The following SLC26A9 variants were observed in gnomAD, a reference collection of about 807,000 sequenced individuals.
SLC26A9 encodes the protein anion transporter/exchanger protein 9.
Under a neutral mutation model 87.1 loss-of-function variants are expected in SLC26A9, and 46 were observed. The observed-to-expected ratio is 0.53, with a 90% CI of 0.42 to 0.67. The LOEUF (loss-of-function observed/expected upper bound fraction) is 0.67. Ranked by LOEUF, SLC26A9 falls within the 30% of genes least tolerant of loss-of-function variation. The probability of loss-of-function intolerance (pLI) is 0.00; values close to 1 mark genes in which losing one functional copy is unlikely to be tolerated. For missense variants in SLC26A9, 927 were observed against 1,018.3 expected, an observed-to-expected ratio of 0.91 and a Z score of 1.22; for synonymous variants, 437 against 409.1, an observed-to-expected ratio of 1.07 and a Z score of -0.82.
At chr1:205,915,550 G>A (rs952973547) in intron 20 of SLC26A9, 146 bp from the exon 21 acceptor site, 190 of 1,128,110 alleles carry the variant, frequency 1.7e-4, no homozygotes, top group Middle Eastern at 5.8e-4. Flanking sequence ...GTGTGTGTGC[G>A]AGAGTGTGTG....
intron 10 of SLC26A9, 69 bp downstream of exon 10, chr1:205,927,423 G>A (rs1659119671): frequency 1.3e-6 from 2 of 1,557,342 alleles, no homozygotes; most frequent in Admixed American, 1.7e-5. Flanking sequence ...CTGGCTTGCA[G>A]TGCCCAGGCT....
At chr1:205,929,156 T>A in intron 7 of SLC26A9, 48 bp downstream of exon 7, 1 of 1,588,024 alleles carries the variant, frequency 6.3e-7, no homozygotes, top group Non-Finnish European at 8.6e-7. Flanking sequence ...GGCTTCCTCG[T>A]CTCACAGCCT....
Position 205,931,944 on chromosome 1 carries a change from A to G in SLC26A9, c.468T>C (p.Asn156=). 6.2e-7 allele frequency: 1 copy of G among 1,614,200 alleles called. No individual in the cohort carries two copies. The highest frequency in any genetic ancestry group is 8.5e-7 in the Non-Finnish European group (1 of 1,180,034). The change falls in exon 5 of 21, where the codon AAT becomes AAC. Residue 156 remains asparagine, a synonymous_variant. Transcript: ENST00000367135. ...TGGCTGCTGTGTCCACATAGCTCTC[A>G]TTGGTGGCATTGTTGAAGACCTGGA... is the stretch of plus-strand genomic sequence containing the variant. ...SKFQVFNNAT[N]ESYVDTAAME...
At chr1:205,915,510 C>T (rs1002318975) in intron 20 of SLC26A9, 106 bp from the exon 21 acceptor site, 1 of 1,408,546 alleles carries the variant, frequency 7.1e-7, no homozygotes, top group East Asian at 2.3e-5. Context: ...CTGGCCAGAA[C>T]AAAGCACCTG....
At chr1:205,918,740 T>A in intron 19 of SLC26A9, 100 bp downstream of exon 19, 1 of 1,428,916 alleles carries the variant, frequency 7.0e-7, no homozygotes, top group Non-Finnish European at 9.4e-7. Flanking sequence ...GACTTGATAT[T>A]GGAACTTAAA....
intron 19 of SLC26A9, among the ~76,000 whole-genome samples, chr1:205,918,272 TC>T (rs1273215434): frequency 1.3e-5 from 2 of 152,112 alleles, no homozygotes; most frequent in African/African-American, 4.8e-5. Context: ...TTTTTCTGAC[TC>T]CCCAGTCTTC....
Position 205,929,955 on chromosome 1 carries a change from CG to C in SLC26A9, c.653del (p.Ser218TrpfsTer9). The stretch of plus-strand genomic sequence containing the variant: ...TCAGTCCGAAGATGTACTTGAGCAC[CG>C]AAATCAGGATCTGCAGGCCGGCGGC... Reference protein sequence around the residue: ...MTAAGLQILISVLKYIFGLTI... With the variant: ...MTAAGLQILIXVLKYIFGLTI... On this transcript the variant is annotated frameshift_variant, in exon 6 of 21. Coordinates refer to ENST00000367135, the MANE Select transcript of SLC26A9 (RefSeq NM_052934.4). LOFTEE classifies it high-confidence loss of function. 6.2e-7 allele frequency: 1 copy of C among 1,613,846 alleles called. No homozygotes were observed. The highest frequency in any genetic ancestry group is 1.3e-5 in the African/African-American group (1 of 75,024).
intron 20 of SLC26A9, 132 bp from the exon 21 acceptor site, chr1:205,915,536 GT>G: frequency 8.3e-7 from 1 of 1,210,882 alleles, no homozygotes; most frequent in Non-Finnish European, 1.2e-6. Flanking sequence ...GTGTGTGTGT[GT>G]GTGTGTGTGT....
Position 205,927,925 on chromosome 1 carries a change from C to A in SLC26A9, c.1078G>T (p.Gly360Cys). Residue 360 changes from glycine to cysteine, a missense_variant, in exon 9 of 21, where the codon GGC becomes TGC. Coordinates refer to ENST00000367135, the MANE Select transcript of SLC26A9 (RefSeq NM_052934.4). Reference protein sequence around the residue: ...AMGRTLANKHGYDVDSNQEMI... With the variant: ...AMGRTLANKHCYDVDSNQEMI... Reference sequence around the variant, plus strand: ...ACCTGGTTCGAATCCACGTCGTAGCCGTGCTTGTTGGCCAGGGTCCGGCCC... The same window carrying A: ...ACCTGGTTCGAATCCACGTCGTAGCAGTGCTTGTTGGCCAGGGTCCGGCCC... The A allele has an allele frequency of 6.2e-7, 1 of 1,614,126 alleles. No individual in the cohort carries two copies.
chr1:205,933,939 G>A (rs1343551567), intron 2 of SLC26A9, among the ~76,000 whole-genome samples: 2 of 152,138 alleles, frequency 1.3e-5, no homozygotes, highest in Non-Finnish European at 2.9e-5. Context: ...GGTGACAGCC[G>A]GTGGATTGAT....
chr1:205,935,828 G>T lies in SLC26A9; in HGVS notation c.-8C>A. ...GGGCCTGGGCTGGCTCATATCTGGGGCATTTACAAGCTTTGGGAGAAGCAG... is the reference window on the plus strand; with the variant it reads ...GGGCCTGGGCTGGCTCATATCTGGGTCATTTACAAGCTTTGGGAGAAGCAG... On this transcript the variant is annotated 5_prime_UTR_variant, in exon 2 of 21. Transcript: ENST00000367135. The T allele has an allele frequency of 1.9e-6, 3 of 1,612,096 alleles. No individual in the cohort carries two copies. Among genetic ancestry groups the T allele is most frequent in the Non-Finnish European group, 2.5e-6 (3 of 1,178,710 alleles).
At position 205,921,791 on chromosome 1, in the gene SLC26A9, G is replaced by T. The variant is rs1319085494; in HGVS notation, c.1830C>A (p.Pro610=). The T allele has an allele frequency of 6.2e-7, 1 of 1,605,760 alleles. No individual in the cohort carries two copies. Among genetic ancestry groups the T allele is most frequent in the Non-Finnish European group, 8.5e-7 (1 of 1,177,088 alleles). ...QDFENAPPTD[P]NNNQTPANGT... ...CGTTAGCCGGGGTCTGGTTGTTGTT[G>T]GGGTCGGTGGGGGGCGCATTCTCAA... The change falls in exon 17 of 21, where the codon CCC becomes CCA. Residue 610 remains proline (P), a synonymous_variant. Coordinates refer to ENST00000367135, the MANE Select transcript of SLC26A9 (RefSeq NM_052934.4).
At chr1:205,943,288 C>T (rs1203894131) in intron 1 of SLC26A9, 77 bp downstream of exon 1, 1 of 152,234 alleles carries the variant, frequency 6.6e-6, no homozygotes, top group Admixed American at 6.5e-5. Flanking sequence ...CATCCCTCCT[C>T]TCGGTACCCC....
Position 205,927,487 on chromosome 1 carries a change from C to T in SLC26A9, c.1215+5G>A. 1.9e-6 allele frequency: 3 copies of T among 1,613,312 alleles called. No homozygotes were observed. Among genetic ancestry groups the T allele is most frequent in the Admixed American group, 1.7e-5 (1 of 59,940 alleles). ...TCCCCCCAACTCCCCTAGAACAAGGCTCACCTGGGATTTTCCTCCAGCTCC... is the reference window on the plus strand; with the variant it reads ...TCCCCCCAACTCCCCTAGAACAAGGTTCACCTGGGATTTTCCTCCAGCTCC... On this transcript the variant is annotated splice_donor_5th_base_variant and intron_variant, in intron 10 of 20. Transcript: ENST00000367135.
intron 1 of SLC26A9, among the ~76,000 whole-genome samples, chr1:205,940,275 A>T (rs1177581734): frequency 6.6e-6 from 1 of 152,154 alleles, no homozygotes; most frequent in Non-Finnish European, 1.5e-5. Context: ...CACAGGCTGG[A>T]GCAGATTCCC....
chr1:205,937,638 C>T (rs1231338249), intron 1 of SLC26A9, among the ~76,000 whole-genome samples: 2 of 152,112 alleles, frequency 1.3e-5, no homozygotes, highest in East Asian at 3.9e-4. Context: ...TGGGAGGGTG[C>T]TTTCTACCTC....
chr1:205,932,671 A>T (rs1273682936), intron 4 of SLC26A9, 31 bp downstream of exon 4: 1 of 1,513,822 alleles, frequency 6.6e-7, no homozygotes, highest in East Asian at 2.3e-5. Flanking sequence ...GGTCTGGGTC[A>T]TCCTGCCTGC....
intron 20 of SLC26A9, among the ~76,000 whole-genome samples, chr1:205,916,690 T>C (rs1006835474): frequency 6.6e-6 from 1 of 152,202 alleles, no homozygotes; most frequent in African/African-American, 2.4e-5. Context: ...CCAGGGTGTA[T>C]GTGGCTTGCT....
At chr1:205,925,667 A>G (rs1171710418) in intron 12 of SLC26A9, among the ~76,000 whole-genome samples, 1 of 152,222 alleles carries the variant, frequency 6.6e-6, no homozygotes, top group East Asian at 1.9e-4. Flanking sequence ...ATGAGACAGT[A>G]CAGCCTAGAG....
Sources: gnomAD v4.1 joint callset for allele counts (sites outside exome capture counted in the v4.1 genomes callset) on GRCh38, gnomAD v4.1.1 for gene constraint, MANE v1.5 for transcripts, NCBI Gene and HGNC (gene_info 2026-07-23, HGNC 2026-07-21) for gene names.